KCNJ12: variants seen among roughly 807,000 people sequenced by gnomAD.
The protein encoded by KCNJ12 is ATP-sensitive inward rectifier potassium channel 12.
A neutral mutation model predicts 22.3 loss-of-function variants in KCNJ12; 2 were observed. The ratio of observed to expected loss-of-function variants is 0.09; its 90% CI spans 0.04 to 0.28. The LOEUF is 0.28. Ranked by LOEUF, KCNJ12 falls within the 10% of genes least tolerant of loss-of-function variation. The pLI is 1.00. For missense variants in KCNJ12, 155 were observed against 633.3 expected (o/e 0.24, Z 8.11); for synonymous variants, 117 against 261.4 (o/e 0.45, Z 5.33).
intron 2 of KCNJ12, among the ~76,000 whole-genome samples, chr17:21,408,920 G>T (rs1213947958): frequency 6.6e-6 from 1 of 152,392 alleles, no homozygotes; most frequent in Non-Finnish European, 1.5e-5. Flanking sequence ...CCATCTATCT[G>T]GTCACCCCTA....
At position 21,414,941 on chromosome 17, in the gene KCNJ12, G is replaced by A. The variant is rs797030301; in HGVS notation, c.-56-346G>A. Among the ~76,000 whole-genome samples the A allele has an allele frequency of 2.0e-5, 3 of 152,418 alleles. No homozygotes were observed. The South Asian group carries it at 6.2e-4, about 32-fold the overall frequency. On this transcript the variant is annotated intron_variant, in intron 2 of 2. Transcript: ENST00000583088. ...TGGAGACTGGGGGGCCATGGGCAGA[G>A]GCAGAGAGGCTGGCAAGTTGTGCCC... is the stretch of plus-strand genomic sequence containing the variant.
intron 1 of KCNJ12, among the ~76,000 whole-genome samples, chr17:21,403,362 T>TA (rs1418894241): frequency 6.6e-6 from 1 of 152,310 alleles, no homozygotes; most frequent in African/African-American, 2.4e-5. Flanking sequence ...TTATTTTACT[T>TA]ACGATTGGTT....
At chr17:21,413,667 C>T (rs1341026866) in intron 2 of KCNJ12, among the ~76,000 whole-genome samples, 4 of 152,304 alleles carry the variant, frequency 2.6e-5, no homozygotes, top group Non-Finnish European at 5.9e-5. Flanking sequence ...TGCAGATGCC[C>T]TAGCCTGTCA....
At chr17:21,392,568 C>T (rs1905236780) in intron 1 of KCNJ12, among the ~76,000 whole-genome samples, 1 of 152,258 alleles carries the variant, frequency 6.6e-6, no homozygotes, top group African/African-American at 2.4e-5. Flanking sequence ...GCACCCGGCA[C>T]TGGCCTTGGA....
At chr17:21,395,565 T>G (rs1905329756) in intron 1 of KCNJ12, among the ~76,000 whole-genome samples, 3 of 49,698 alleles carry the variant, frequency 6.0e-5, no homozygotes, top group Admixed American at 3.0e-4. Context: ...CGAGACTTCT[T>G]CTCAAAAAAA....
At chr17:21,385,621 T>C (rs1597556065) in intron 1 of KCNJ12, among the ~76,000 whole-genome samples, 1 of 151,908 alleles carries the variant, frequency 6.6e-6, no homozygotes. Flanking sequence ...TCCCTGGGGG[T>C]TGTGTAACAG....
intron 2 of KCNJ12, among the ~76,000 whole-genome samples, chr17:21,414,241 G>A (rs1193682767): frequency 1.3e-5 from 2 of 152,388 alleles, no homozygotes; most frequent in Non-Finnish European, 1.5e-5. Flanking sequence ...TCAGGAGGCC[G>A]AGGCAGGTGG....
intron 1 of KCNJ12, among the ~76,000 whole-genome samples, chr17:21,402,519 C>T (rs1352663744): frequency 6.5e-4 from 99 of 152,340 alleles, no homozygotes; most frequent in Non-Finnish European, 5.6e-4. Context: ...TAAATGGGGC[C>T]TGGGGCAGAG....
intron 2 of KCNJ12, among the ~76,000 whole-genome samples, chr17:21,411,653 C>G (rs1292073573): frequency 6.6e-6 from 1 of 152,310 alleles, no homozygotes; most frequent in Non-Finnish European, 1.5e-5. Context: ...ACTTGGTTCT[C>G]CCATCTGTGA....
chr17:21,385,108 C>T (rs575775899), intron 1 of KCNJ12, among the ~76,000 whole-genome samples: 3 of 152,306 alleles, frequency 2.0e-5, no homozygotes, highest in Admixed American at 1.3e-4. Flanking sequence ...TCCAAGCTTC[C>T]GCATCTCAGT....
At chr17:21,399,716 G>A (rs1905506183) in intron 1 of KCNJ12, among the ~76,000 whole-genome samples, 1 of 152,214 alleles carries the variant, frequency 6.6e-6, no homozygotes, top group Non-Finnish European at 1.5e-5. Context: ...GTCTCCTAGA[G>A]ACACCAGGGC....
intron 1 of KCNJ12, among the ~76,000 whole-genome samples, chr17:21,379,045 C>T (rs1248511029): frequency 6.6e-6 from 1 of 152,210 alleles, no homozygotes; most frequent in Non-Finnish European, 1.5e-5. Context: ...CTTCCTGCCC[C>T]AGGGCCATGG....
At chr17:21,386,656 C>T (rs561362428) in intron 1 of KCNJ12, among the ~76,000 whole-genome samples, 3 of 152,144 alleles carry the variant, frequency 2.0e-5, no homozygotes, top group Middle Eastern at 3.4e-3. Flanking sequence ...TACAGGCATG[C>T]GCCACCACGC....
intron 1 of KCNJ12, among the ~76,000 whole-genome samples, chr17:21,398,416 G>C (rs1905455302): frequency 6.6e-6 from 1 of 152,196 alleles, no homozygotes; most frequent in South Asian, 2.1e-4. Context: ...CTGCCTGGCA[G>C]CCCCCGTGGC....
intron 1 of KCNJ12, 145 bp downstream of exon 1, chr17:21,377,058 C>G (rs1291910091): frequency 6.6e-6 from 1 of 152,266 alleles, no homozygotes; most frequent in South Asian, 2.1e-4. Flanking sequence ...TTTTCTTCCT[C>G]TCGTTTTATT....
chr17:21,397,440 A>G (rs1301516114), intron 1 of KCNJ12, among the ~76,000 whole-genome samples: 1 of 152,072 alleles, frequency 6.6e-6, no homozygotes, highest in Non-Finnish European at 1.5e-5. Context: ...ATCCCCGTGC[A>G]CTCTTGTCTG....
chr17:21,403,262 C>T (rs1905734219), intron 1 of KCNJ12, among the ~76,000 whole-genome samples: 1 of 152,310 alleles, frequency 6.6e-6, no homozygotes, highest in African/African-American at 2.4e-5. Flanking sequence ...TCTGCTCATT[C>T]CTACTGTGTC....
At chr17:21,399,401 T>G (rs1162394071) in intron 1 of KCNJ12, among the ~76,000 whole-genome samples, 2 of 152,204 alleles carry the variant, frequency 1.3e-5, no homozygotes, top group Non-Finnish European at 2.9e-5. Flanking sequence ...CCTGGCCATC[T>G]CAGTGGCCAC....
At chr17:21,394,071 G>A (rs782186793) in intron 1 of KCNJ12, among the ~76,000 whole-genome samples, 41 of 152,268 alleles carry the variant, frequency 2.7e-4, no homozygotes, top group Non-Finnish European at 5.3e-4. Context: ...ACCTCCCTTG[G>A]CCTCAGTGTA....
Sources: allele counts gnomAD v4.1 joint callset (sites outside exome capture counted in the v4.1 genomes callset), GRCh38; gene constraint gnomAD v4.1.1; transcripts MANE v1.5; gene names NCBI Gene and HGNC (gene_info 2026-07-23, HGNC 2026-07-21).